SPECC1: variants seen among roughly 807,000 people sequenced by gnomAD.
The protein encoded by SPECC1 is sperm antigen with calponin homology and coiled-coil domains 1, also known as cytospin-B.
SPECC1 carries 62 observed loss-of-function variants against 104.1 expected under a neutral mutation model. The ratio of observed to expected loss-of-function variants is 0.60; its 90% confidence interval spans 0.49 to 0.74. The LOEUF (loss-of-function observed/expected upper bound fraction) is 0.74. SPECC1 is among the 30% of genes least tolerant of loss of function. The pLI is 0.00. For synonymous variants in SPECC1, 513 were observed against 501.6 expected, an observed-to-expected ratio of 1.02 and a Z score of -0.30; for missense variants, 1,306 against 1,310.5, an observed-to-expected ratio of 1.00 and a Z score of 0.05.
intron 1 of SPECC1, among the ~76,000 whole-genome samples, chr17:20,032,183 G>A (rs887678684): frequency 6.6e-6 from 1 of 151,948 alleles, no homozygotes; most frequent in Non-Finnish European, 1.5e-5. Context: ...TTTTCCTCTA[G>A]CTGCTTTCAA....
intron 9 of SPECC1, among the ~76,000 whole-genome samples, chr17:20,252,239 G>A (rs907950485): frequency 6.6e-6 from 1 of 151,942 alleles, no homozygotes; most frequent in Non-Finnish European, 1.5e-5. Context: ...GCACAATATT[G>A]TATGGCAGGT....
chr17:20,128,067 C>A (rs1254643968), intron 3 of SPECC1, among the ~76,000 whole-genome samples: 2 of 152,042 alleles, frequency 1.3e-5, no homozygotes, highest in African/African-American at 4.8e-5. Context: ...AAATAAAAGG[C>A]AAATAATTTC....
intron 3 of SPECC1, among the ~76,000 whole-genome samples, chr17:20,182,119 C>CTTTTTTTTTTTTTTTTTTT (rs57991209): frequency 7.3e-6 from 1 of 136,580 alleles, no homozygotes; most frequent in African/African-American, 2.8e-5. Context: ...CTTTCTTTTT[C>CTTTTTTTTTTTTTTTTTTT]TTTTTTTTTT....
At chr17:20,276,134 A>C (rs1293325363) in intron 12 of SPECC1, among the ~76,000 whole-genome samples, 1 of 151,250 alleles carries the variant, frequency 6.6e-6, no homozygotes, top group African/African-American at 2.4e-5. Context: ...TTTTTCCCCC[A>C]GAGTTGGAGT....
At position 20,231,795 on chromosome 17, in the gene SPECC1, G is replaced by A. The variant is rs141573120; in HGVS notation, c.2109G>A (p.Leu703=). ...VIKLEEQKSD[L]ERQLKTLTKQ... ...AGCTGGAGGAACAGAAGTCAGACCT[G>A]GAGAGGCAGCTGAAGACTCTGACCA... The change falls in exon 6 of 15, where the codon CTG becomes CTA. Residue 703 remains leucine, a synonymous_variant. Transcript: ENST00000395527. The A allele has an allele frequency of 6.2e-7, 1 of 1,614,058 alleles. No homozygotes were observed. The highest frequency in any genetic ancestry group is 8.5e-7 in the Non-Finnish European group (1 of 1,180,006).
At chr17:20,121,062 A>G (rs1277016971) in intron 3 of SPECC1, among the ~76,000 whole-genome samples, 1 of 152,184 alleles carries the variant, frequency 6.6e-6, no homozygotes, top group East Asian at 1.9e-4. Flanking sequence ...AGTTTGCTCC[A>G]ACAATAGCAA....
At chr17:20,030,294 T>G (rs1266192169) in intron 1 of SPECC1, among the ~76,000 whole-genome samples, 1 of 152,162 alleles carries the variant, frequency 6.6e-6, no homozygotes, top group Non-Finnish European at 1.5e-5. Context: ...TTAATTCTAG[T>G]TAGATACCAA....
intron 12 of SPECC1, among the ~76,000 whole-genome samples, chr17:20,295,733 C>T (rs2041328545): frequency 1.3e-5 from 2 of 152,174 alleles, no homozygotes; most frequent in Admixed American, 6.5e-5. Flanking sequence ...GAGATGGTAT[C>T]TCATTGAGGT....
intron 3 of SPECC1, among the ~76,000 whole-genome samples, chr17:20,193,463 G>A (rs568191784): frequency 5.9e-5 from 9 of 152,258 alleles, no homozygotes; most frequent in East Asian, 3.9e-4. Flanking sequence ...TAAGGGTTGC[G>A]GAGGGATGAA....
intron 1 of SPECC1, among the ~76,000 whole-genome samples, chr17:20,056,051 C>T (rs1182777506): frequency 6.6e-6 from 1 of 152,144 alleles, no homozygotes; most frequent in Non-Finnish European, 1.5e-5. Flanking sequence ...TCATAAATTC[C>T]AAGTCTTAGT....
chr17:20,289,267 C>G (rs1204192691), intron 12 of SPECC1, among the ~76,000 whole-genome samples: 1 of 152,156 alleles, frequency 6.6e-6, no homozygotes, highest in Non-Finnish European at 1.5e-5. Context: ...CTTGAGAATT[C>G]TGGGAAATAC....
chr17:20,318,646 C>T lies in SPECC1; in HGVS notation c.*4581C>T. ...AAATCTAGCAATAGTTCTCACCCTTCCAAAGCTCGAGTGCCATTTTGAGAT... is the reference window on the plus strand; with the variant it reads ...AAATCTAGCAATAGTTCTCACCCTTTCAAAGCTCGAGTGCCATTTTGAGAT... On this transcript the variant is annotated 3_prime_UTR_variant, in exon 15 of 15. Coordinates refer to ENST00000395527, the MANE Select transcript of SPECC1 (RefSeq NM_001243439.2). 1 of 227,248 alleles carries T rather than the reference C, an allele frequency of 4.4e-6. No homozygotes were observed. The highest frequency in any genetic ancestry group is 8.8e-6 in the Non-Finnish European group (1 of 114,240). The allele number at this position is 227,248 out of a possible 1,614,324, so 14.1% of individuals were successfully genotyped here.
At chr17:20,209,925 A>G (rs2151377599) in intron 4 of SPECC1, among the ~76,000 whole-genome samples, 1 of 152,370 alleles carries the variant, frequency 6.6e-6, no homozygotes, top group East Asian at 1.9e-4. Flanking sequence ...GTTGAAGCTT[A>G]TAGGTGGTAT....
At chr17:20,044,977 A>G (rs2045481305) in intron 1 of SPECC1, among the ~76,000 whole-genome samples, 1 of 152,220 alleles carries the variant, frequency 6.6e-6, no homozygotes, top group African/African-American at 2.4e-5. Context: ...TTCCATCACC[A>G]TTTGTTTAAA....
intron 13 of SPECC1, among the ~76,000 whole-genome samples, chr17:20,300,690 C>T (rs565959072): frequency 2.6e-5 from 4 of 152,258 alleles, no homozygotes; most frequent in Non-Finnish European, 4.4e-5. Context: ...GCAGAGGCTC[C>T]GCCAGCTGCC....
At chr17:20,247,385 T>C in intron 9 of SPECC1, 66 bp downstream of exon 9, 2 of 1,174,498 alleles carry the variant, frequency 1.7e-6, no homozygotes, top group South Asian at 1.3e-5. Flanking sequence ...TGTTTTTCTT[T>C]ACACATATTA....
chr17:20,178,462 G>C (rs1181819992), intron 3 of SPECC1, among the ~76,000 whole-genome samples: 1 of 152,084 alleles, frequency 6.6e-6, no homozygotes, highest in Non-Finnish European at 1.5e-5. Flanking sequence ...ACTTAAAAGG[G>C]GGTTTAATAA....
At chr17:20,258,520 C>G (rs2039913709) in intron 11 of SPECC1, among the ~76,000 whole-genome samples, 1 of 152,188 alleles carries the variant, frequency 6.6e-6, no homozygotes, top group Non-Finnish European at 1.5e-5. Flanking sequence ...GCAGACCTTG[C>G]AGAAATCTCA....
Position 20,314,393 on chromosome 17 carries a change from A to G in SPECC1, c.*328A>G, listed in dbSNP as rs536253470. On this transcript the variant is annotated 3_prime_UTR_variant, in exon 15 of 15. Coordinates refer to ENST00000395527, the MANE Select transcript of SPECC1 (RefSeq NM_001243439.2). ...TTATATTGGGTGGCTGAACGAACAC[A>G]TTATCTGCAGAAATTCAGACAAAGA... is the stretch of plus-strand genomic sequence containing the variant. 3.0e-6 allele frequency: 1 copy of G among 330,628 alleles called. No homozygotes were observed. The highest frequency in any genetic ancestry group is 3.9e-5 in the Admixed American group (1 of 25,390). The allele number at this position is 330,628 out of a possible 1,614,324, so 20.5% of individuals were successfully genotyped here.
Sources: allele counts gnomAD v4.1 joint callset (sites outside exome capture counted in the v4.1 genomes callset), GRCh38; gene constraint gnomAD v4.1.1; transcripts MANE v1.5; gene names NCBI Gene and HGNC (gene_info 2026-07-23, HGNC 2026-07-21).